Variants in ATG10 observed in about 807,000 individuals in gnomAD.
ATG10 encodes the protein ubiquitin-like-conjugating enzyme ATG10.
ATG10 carries 30 observed loss-of-function variants against 32.1 expected under a neutral mutation model. That is an observed-to-expected ratio of 0.94 (90% CI 0.70 to 1.27). ATG10 has a LOEUF of 1.27. ATG10 is among the 50% of genes most tolerant of loss of function. The pLI, the probability that ATG10 is intolerant of heterozygous loss-of-function variation, is 0.00. For synonymous variants in ATG10, 87 were observed against 91.5 expected (o/e 0.95, Z 0.28); for missense variants, 233 against 262.3 (o/e 0.89, Z 0.77).
intron 1 of ATG10, among the ~76,000 whole-genome samples, chr5:81,976,682 G>C (rs1760885098): frequency 6.6e-6 from 1 of 152,048 alleles, no homozygotes; most frequent in Non-Finnish European, 1.5e-5. Flanking sequence ...TGTCCTTTTG[G>C]TGCAGCCCCA....
At chr5:82,047,388 G>A (rs1473227780) in intron 2 of ATG10, among the ~76,000 whole-genome samples, 2 of 152,168 alleles carry the variant, frequency 1.3e-5, no homozygotes, top group Non-Finnish European at 2.9e-5. Context: ...CTAACATTGT[G>A]GAGATAACTG....
chr5:81,993,806 G>C (rs893801416), intron 2 of ATG10, among the ~76,000 whole-genome samples: 3 of 151,984 alleles, frequency 2.0e-5, no homozygotes, highest in African/African-American at 7.3e-5. Flanking sequence ...TTTTATTATA[G>C]AAATAATGCT....
chr5:81,973,056 T>C (rs1037072192), intron 1 of ATG10: 2 of 152,250 alleles, frequency 1.3e-5, no homozygotes, highest in African/African-American at 2.4e-5. Flanking sequence ...ATGCAAATTA[T>C]TTCTGAGTGG....
rs549508644 is a variant in ATG10, at chr5:82,162,917, A to G, written c.217-1482A>G. ...AAATCAAAAAGTCTAAAAAAAATAC[A>G]CTCTGGCCTGTTAACGATGGTTACA... On this transcript the variant is annotated intron_variant, in intron 3 of 7. Transcript: ENST00000282185. Among the ~76,000 whole-genome samples the G allele has an allele frequency of 2.0e-5, 3 of 152,024 alleles. No individual in the cohort carries two copies. In the East Asian group the frequency reaches 5.8e-4, roughly 29 times the overall value.
At chr5:82,018,592 A>G (rs1762351310) in intron 2 of ATG10, among the ~76,000 whole-genome samples, 1 of 152,016 alleles carries the variant, frequency 6.6e-6, no homozygotes, top group Admixed American at 6.6e-5. Context: ...TTCTTTCATC[A>G]CAACTGTCCA....
At chr5:81,985,330 A>C (rs1227767389) in intron 1 of ATG10, among the ~76,000 whole-genome samples, 2 of 152,196 alleles carry the variant, frequency 1.3e-5, no homozygotes, top group African/African-American at 2.4e-5. Context: ...ACACCATATT[A>C]GTCTTCTCTT....
At chr5:82,075,316 T>C (rs998907944) in intron 3 of ATG10, among the ~76,000 whole-genome samples, 3 of 152,158 alleles carry the variant, frequency 2.0e-5, no homozygotes, top group Non-Finnish European at 4.4e-5. Flanking sequence ...GACCAGAGTG[T>C]TTTCAGTGCC....
intron 2 of ATG10, among the ~76,000 whole-genome samples, chr5:82,005,965 G>A (rs910564421): frequency 1.1e-4 from 16 of 151,916 alleles, no homozygotes; most frequent in African/African-American, 3.9e-4. Flanking sequence ...AGTATACGTG[G>A]CAACATACCA....
At chr5:82,226,245 T>G (rs536262654) in intron 5 of ATG10, among the ~76,000 whole-genome samples, 1 of 152,348 alleles carries the variant, frequency 6.6e-6, no homozygotes, top group East Asian at 1.9e-4. Flanking sequence ...AGCAGCTTGC[T>G]TTCTTGTACC....
chr5:82,094,711 T>G (rs1156497103), intron 3 of ATG10, among the ~76,000 whole-genome samples: 1 of 152,160 alleles, frequency 6.6e-6, no homozygotes, highest in Non-Finnish European at 1.5e-5. Flanking sequence ...ATGCAAATAT[T>G]TATTACTTAA....
At chr5:82,122,327 C>G (rs1318486068) in intron 3 of ATG10, among the ~76,000 whole-genome samples, 1 of 152,134 alleles carries the variant, frequency 6.6e-6, no homozygotes, top group Non-Finnish European at 1.5e-5. Context: ...AAGATTGAAG[C>G]TGTGCTCTTT....
chr5:82,074,660 T>C (rs2149772361), intron 3 of ATG10, among the ~76,000 whole-genome samples: 1 of 152,296 alleles, frequency 6.6e-6, no homozygotes, highest in South Asian at 2.1e-4. Flanking sequence ...TCTCCATATC[T>C]CTTATTCTCC....
chr5:82,193,269 A>G (rs2195447), intron 5 of ATG10, among the ~76,000 whole-genome samples: 37,884 of 152,054 alleles, frequency 0.25, 6,275 homozygotes, highest in African/African-American at 0.48. Flanking sequence ...TCAGTATTGT[A>G]CTCAATTTTT....
chr5:82,239,800 G>C (rs1386546533), intron 5 of ATG10, among the ~76,000 whole-genome samples: 1 of 151,820 alleles, frequency 6.6e-6, no homozygotes, highest in Non-Finnish European at 1.5e-5. Flanking sequence ...AATATATAAG[G>C]AACTCAAGCC....
chr5:82,019,667 T>C (rs538847492), intron 2 of ATG10, among the ~76,000 whole-genome samples: 14 of 152,270 alleles, frequency 9.2e-5, no homozygotes, highest in Non-Finnish European at 1.6e-4. Context: ...TCTTCCCTCT[T>C]CAAATAACCA....
intron 5 of ATG10, among the ~76,000 whole-genome samples, chr5:82,185,968 A>G (rs1277413645): frequency 1.3e-5 from 2 of 152,224 alleles, no homozygotes; most frequent in Non-Finnish European, 1.5e-5. Context: ...ACAGCTGTTT[A>G]ACAAAACTTC....
chr5:82,213,699 G>C (rs1745575419), intron 5 of ATG10, among the ~76,000 whole-genome samples: 1 of 152,182 alleles, frequency 6.6e-6, no homozygotes, highest in Non-Finnish European at 1.5e-5. Flanking sequence ...CAGTCACGCT[G>C]TCATCTTGTC....
chr5:81,980,422 G>A (rs2897554), intron 1 of ATG10, among the ~76,000 whole-genome samples: 95,930 of 151,958 alleles, frequency 0.63, 32,309 homozygotes, highest in East Asian at 0.98. Flanking sequence ...ATGTTGACTG[G>A]TCAGAGTGAC....
chr5:82,036,790 G>A (rs1057316864), intron 2 of ATG10, among the ~76,000 whole-genome samples: 2 of 151,732 alleles, frequency 1.3e-5, no homozygotes, highest in African/African-American at 4.8e-5. Flanking sequence ...TTGATATTAG[G>A]TATTTTCCTG....
Sources: gnomAD v4.1 joint callset for allele counts (sites outside exome capture counted in the v4.1 genomes callset) on GRCh38, gnomAD v4.1.1 for gene constraint, MANE v1.5 for transcripts, NCBI Gene and HGNC (gene_info 2026-07-23, HGNC 2026-07-21) for gene names.